MCF2L: variants seen among roughly 807,000 people sequenced by gnomAD.
MCF2L encodes MCF.2 cell line derived transforming sequence like.
Under a neutral mutation model 153.4 loss-of-function variants are expected in MCF2L, and 97 were observed. That is an observed-to-expected ratio of 0.63 (90% CI 0.54 to 0.75). The LOEUF (loss-of-function observed/expected upper bound fraction) is 0.75. MCF2L is among the 30% of genes least tolerant of loss of function. MCF2L has a pLI of 0.00. For missense variants in MCF2L, 1,347 were observed against 1,495.2 expected (o/e 0.90, Z 1.64); for synonymous variants, 659 against 632.2 (o/e 1.04, Z -0.64).
intron 1 of MCF2L, among the ~76,000 whole-genome samples, chr13:112,997,318 C>G (rs141352717): frequency 5.3e-5 from 8 of 152,206 alleles, no homozygotes; most frequent in Non-Finnish European, 1.0e-4. Context: ...CTGCTGACGC[C>G]CCTGTGCAGG....
intron 2 of MCF2L, among the ~76,000 whole-genome samples, chr13:112,919,354 C>T (rs986034955): frequency 7.9e-5 from 12 of 150,998 alleles, no homozygotes; most frequent in African/African-American, 1.5e-4. Context: ...TACAGGCGCC[C>T]GCCACTACGC....
chr13:113,089,780 T>A, intron 26 of MCF2L, 52 bp downstream of exon 26: 1 of 1,598,214 alleles, frequency 6.3e-7, no homozygotes, highest in Non-Finnish European at 8.6e-7. Flanking sequence ...ACGGAGCTGC[T>A]CACGGAGTGC....
At chr13:112,911,923 C>G (rs74115716) in intron 2 of MCF2L, among the ~76,000 whole-genome samples, 1 of 152,174 alleles carries the variant, frequency 6.6e-6, no homozygotes, top group Admixed American at 6.5e-5. Context: ...AAAGGCTACA[C>G]GCAGGCTAGG....
intron 2 of MCF2L, among the ~76,000 whole-genome samples, chr13:112,958,636 G>C (rs968384361): frequency 7.9e-5 from 12 of 152,206 alleles, no homozygotes; most frequent in African/African-American, 2.9e-4. Flanking sequence ...CACCTGCCTG[G>C]CACACGCCCA....
At chr13:113,008,140 C>A (rs1299544140) in intron 1 of MCF2L, among the ~76,000 whole-genome samples, 2 of 152,170 alleles carry the variant, frequency 1.3e-5, no homozygotes, top group African/African-American at 2.4e-5. Context: ...TGGTCTTGAA[C>A]TCCTGACCTC....
chr13:112,968,570 G>A, upstream of MCF2L: 1 of 1,542,430 alleles, frequency 6.5e-7, no homozygotes, highest in Non-Finnish European at 8.7e-7. Flanking sequence ...TCCATCCCCG[G>A]CCAGCCACGG....
chr13:113,082,360 C>G (rs972329904), intron 16 of MCF2L, 67 bp from the exon 17 acceptor site: 46 of 931,920 alleles, frequency 4.9e-5, no homozygotes, highest in Non-Finnish European at 1.4e-5. Flanking sequence ...GCCGGCATCC[C>G]TGGCCCACCT....
intron 1 of MCF2L, among the ~76,000 whole-genome samples, chr13:112,984,058 C>T (rs901729245): frequency 6.6e-6 from 1 of 152,198 alleles, no homozygotes; most frequent in African/African-American, 2.4e-5. Context: ...GGTTGTCCAT[C>T]TCCCCTCTGT....
chr13:113,019,395 C>T (rs1055314427), intron 2 of MCF2L, among the ~76,000 whole-genome samples: 3 of 152,246 alleles, frequency 2.0e-5, no homozygotes, highest in African/African-American at 7.2e-5. Flanking sequence ...CGATCCTGCG[C>T]TCCCTGAGGC....
At chr13:112,925,615 G>A (rs2081393834) in intron 2 of MCF2L, among the ~76,000 whole-genome samples, 1 of 152,122 alleles carries the variant, frequency 6.6e-6, no homozygotes, top group African/African-American at 2.4e-5. Context: ...AGCTTCTCTG[G>A]TAGTGGTCAT....
intron 2 of MCF2L, among the ~76,000 whole-genome samples, chr13:113,021,223 T>C (rs1279769736): frequency 2.0e-5 from 3 of 152,140 alleles, no homozygotes; most frequent in African/African-American, 7.2e-5. Flanking sequence ...TGTGTGTTTA[T>C]AAGTAGCTGT....
intron 2 of MCF2L, among the ~76,000 whole-genome samples, chr13:112,918,394 GA>G (rs1277513361): frequency 2.0e-5 from 3 of 152,230 alleles, no homozygotes; most frequent in Non-Finnish European, 4.4e-5. Flanking sequence ...GAGAGAGCAG[GA>G]GTAACTGACG....
At chr13:113,077,676 C>T (rs1594950672) in intron 13 of MCF2L, among the ~76,000 whole-genome samples, 1 of 152,340 alleles carries the variant, frequency 6.6e-6, no homozygotes, top group African/African-American at 2.4e-5. Context: ...GAGCCACGTC[C>T]GCGCACCTCA....
intron 2 of MCF2L, among the ~76,000 whole-genome samples, chr13:113,017,818 TC>T (rs1316400226): frequency 2.0e-5 from 3 of 152,240 alleles, no homozygotes; most frequent in Admixed American, 2.0e-4. Context: ...CCCAGCCTGT[TC>T]CGTGGACTTT....
chr13:112,954,338 C>CTGGAAAGT (rs1286833533), intron 2 of MCF2L, among the ~76,000 whole-genome samples: 1 of 152,008 alleles, frequency 6.6e-6, no homozygotes, highest in East Asian at 1.9e-4. Context: ...CCTCCTGGGG[C>CTGGAAAGT]TGGAAAGTGG....
At chr13:113,072,154 T>C (rs2032981327) in intron 9 of MCF2L, among the ~76,000 whole-genome samples, 1 of 152,250 alleles carries the variant, frequency 6.6e-6, no homozygotes, top group Non-Finnish European at 1.5e-5. Context: ...TTGCTGCACA[T>C]AGAAACACAA....
intron 2 of MCF2L, among the ~76,000 whole-genome samples, chr13:112,919,422 C>A (rs965564297): frequency 1.3e-5 from 2 of 151,816 alleles, no homozygotes. Flanking sequence ...AGCCGGGATG[C>A]TCTCGATCTC....
rs764301327 is a variant in MCF2L at position 113,064,336 on chromosome 13, C to G, written c.522C>G (p.His174Gln). The G allele has an allele frequency of 3.0e-5, 49 of 1,612,784 alleles. No homozygotes were observed. Among genetic ancestry groups the G allele is most frequent in the Non-Finnish European group, 3.6e-5 (42 of 1,179,812 alleles). The change falls in exon 6 of 30, where the codon CAC becomes CAG. Residue 174 changes from histidine to glutamine, a missense_variant. By Grantham distance (24) the His-to-Gln change is conservative. Around this residue, in one of 3 missense-constraint regions of MCF2L, gnomAD observed 820 missense variants for 921.2 expected, o/e 0.89. Coordinates refer to ENST00000535094, the MANE Select transcript of MCF2L (RefSeq NM_001112732.3). This position sits in a 1 kb window ranked among gnomAD's most constrained non-coding sequence, Gnocchi z 6.0. ...VIMLSSVPDL[H>Q]GYIDKSQLTE... ...TGCTGAGCTCCGTACCAGACTTACA[C>G]GGTTACATCGATAAGTCGCAGCTGA...
chr13:113,046,409 A>G lies in MCF2L; in HGVS notation c.369+1048A>G, dbSNP rs561740569. 48 of 440,298 alleles carry G rather than the reference A, an allele frequency of 1.1e-4. No homozygotes were observed. Among genetic ancestry groups the G allele is most frequent in the African/African-American group, 9.2e-4 (45 of 48,658 alleles). The allele number at this position is 440,298 out of a possible 1,614,324, so 27.3% of individuals were successfully genotyped here. On this transcript the variant is annotated intron_variant, in intron 4 of 29. Coordinates refer to ENST00000535094, the MANE Select transcript of MCF2L (RefSeq NM_001112732.3). This position sits in a 1 kb window ranked among gnomAD's most constrained non-coding sequence, Gnocchi z 4.4. ...ATTGCTCCAAGCATTCCCCAGCACC[A>G]AACCCCAGTGAAGTCAGATTCTCCC...
Sources: allele counts gnomAD v4.1 joint callset (sites outside exome capture counted in the v4.1 genomes callset), GRCh38; gene constraint gnomAD v4.1.1; regional missense constraint gnomAD v4.1.1; non-coding constraint Gnocchi (gnomAD v3.1); transcripts MANE v1.5; gene names NCBI Gene and HGNC (gene_info 2026-07-23, HGNC 2026-07-21).